GABRB3: variants seen among roughly 807,000 people sequenced by gnomAD.
The protein encoded by GABRB3 is gamma-aminobutyric acid receptor subunit beta-3.
A neutral mutation model predicts 52.1 loss-of-function variants in GABRB3; 14 were observed. That is an observed-to-expected ratio of 0.27 (90% CI 0.18 to 0.42). The LOEUF is 0.42. Among genes scored for constraint, GABRB3 ranks in the 10% least tolerant of loss-of-function variants. The pLI is 1.00. For synonymous variants in GABRB3, 260 were observed against 232.3 expected (o/e 1.12, Z -1.08); for missense variants, 307 against 609.1 (o/e 0.50, Z 5.22).
chr15:26,633,396 T>A (rs1330446432), intron 3 of GABRB3, among the ~76,000 whole-genome samples: 2 of 152,188 alleles, frequency 1.3e-5, no homozygotes, highest in Non-Finnish European at 2.9e-5. Context: ...CTCTTCCCTG[T>A]ACCTTTAGAA....
chr15:26,581,595 T>C (rs1009769222), intron 5 of GABRB3, among the ~76,000 whole-genome samples: 7 of 152,292 alleles, frequency 4.6e-5, no homozygotes, highest in African/African-American at 1.7e-4. Flanking sequence ...TCCTTTCTCA[T>C]TCACCCAGCC....
intron 4 of GABRB3, among the ~76,000 whole-genome samples, chr15:26,588,270 T>C (rs1444416781): frequency 6.6e-6 from 1 of 152,212 alleles, no homozygotes; most frequent in African/African-American, 2.4e-5. Context: ...TAATTCATCA[T>C]CTCAGTGCCC....
intron 3 of GABRB3, chr15:26,772,101 A>G (rs1891162372): frequency 1.2e-5 from 4 of 333,416 alleles, no homozygotes; most frequent in Non-Finnish European, 2.1e-5. Flanking sequence ...ACCAGGCGAC[A>G]GAGCGCTGGA....
chr15:26,691,408 C>T (rs934793597), intron 3 of GABRB3, among the ~76,000 whole-genome samples: 6 of 152,102 alleles, frequency 3.9e-5, no homozygotes, highest in Non-Finnish European at 7.4e-5. Flanking sequence ...GGGTGAATCC[C>T]AAAAAGGCCA....
chr15:26,685,199 T>C (rs892371811), intron 3 of GABRB3, among the ~76,000 whole-genome samples: 1 of 152,192 alleles, frequency 6.6e-6, no homozygotes, highest in Admixed American at 6.5e-5. Flanking sequence ...ACTGCCCTAC[T>C]TCTCCGCCAG....
chr15:26,736,500 T>G (rs1338316221), intron 3 of GABRB3, among the ~76,000 whole-genome samples: 2 of 152,226 alleles, frequency 1.3e-5, no homozygotes, highest in African/African-American at 2.4e-5. Flanking sequence ...TGAAATTGTT[T>G]GCTAAATGTT....
Position 26,732,571 on chromosome 15 carries a change from A to AT in GABRB3, c.240+39830dup, listed in dbSNP as rs141533099. On this transcript the variant is annotated intron_variant, in intron 3 of 8. Coordinates refer to ENST00000311550, the MANE Select transcript of GABRB3 (RefSeq NM_000814.6). ...AGTGAGACCCCTTTCTCCCAAAAAAATTTTTTTTTTTTTTTGAGATGGAGT... is the reference window on the plus strand; with the variant it reads ...AGTGAGACCCCTTTCTCCCAAAAAAATTTTTTTTTTTTTTTTGAGATGGAGT... Among the ~76,000 whole-genome samples, 152 of 147,884 alleles carry AT rather than the reference A, an allele frequency of 1.0e-3. 1 individual carries two copies. The highest frequency in any genetic ancestry group is 3.3e-3 in the African/African-American group (131 of 39,940).
chr15:26,606,762 G>A (rs1298067138), intron 4 of GABRB3, among the ~76,000 whole-genome samples: 16 of 45,316 alleles, frequency 3.5e-4, no homozygotes, highest in South Asian at 2.2e-3. Context: ...ATACATATCT[G>A]TCTATCTATA....
At chr15:26,663,061 G>A (rs192673115) in intron 3 of GABRB3, among the ~76,000 whole-genome samples, 104 of 144,288 alleles carry the variant, frequency 7.2e-4, no homozygotes, top group African/African-American at 2.8e-3. Flanking sequence ...AGATGTAAAC[G>A]TGTGTGTGTG....
At chr15:26,672,445 T>G (rs1478691223) in intron 3 of GABRB3, among the ~76,000 whole-genome samples, 1 of 151,892 alleles carries the variant, frequency 6.6e-6, no homozygotes, top group Non-Finnish European at 1.5e-5. Flanking sequence ...GTAAATGGAG[T>G]TTCTCCCTCT....
intron 3 of GABRB3, among the ~76,000 whole-genome samples, chr15:26,750,718 T>A (rs2140171270): frequency 6.6e-6 from 1 of 152,284 alleles, no homozygotes; most frequent in South Asian, 2.1e-4. Context: ...TAGAATTTCA[T>A]AAAATGCTCA....
At chr15:26,669,255 C>T (rs551852603) in intron 3 of GABRB3, among the ~76,000 whole-genome samples, 2 of 152,288 alleles carry the variant, frequency 1.3e-5, no homozygotes, top group East Asian at 3.9e-4. Context: ...TCAGTGATGT[C>T]CTTCCTACTT....
intron 7 of GABRB3, among the ~76,000 whole-genome samples, chr15:26,565,370 C>A (rs1369034882): frequency 2.6e-5 from 4 of 152,038 alleles, no homozygotes; most frequent in African/African-American, 9.7e-5. Context: ...CTGGCCAGAC[C>A]CACAGCCCTA....
At chr15:26,772,251 G>A (rs1595363453) in intron 3 of GABRB3, 151 bp downstream of exon 3, 5 of 634,838 alleles carry the variant, frequency 7.9e-6, no homozygotes, top group Non-Finnish European at 1.0e-5. Flanking sequence ...CCGGGCAAGC[G>A]AGGGGCCGGC....
At chr15:26,773,637 C>G, upstream of GABRB3, 1 of 1,557,054 alleles carries the variant, frequency 6.4e-7, no homozygotes, top group Non-Finnish European at 8.7e-7. Flanking sequence ...GGGAAGCCCC[C>G]GCCTCACCTG....
chr15:26,586,037 C>T (rs1043835734), intron 4 of GABRB3, among the ~76,000 whole-genome samples: 5 of 152,096 alleles, frequency 3.3e-5, no homozygotes, highest in Admixed American at 2.6e-4. Context: ...CTTGCTCTGT[C>T]GCCCAGGCTT....
chr15:26,675,466 T>C (rs952312199), intron 3 of GABRB3, among the ~76,000 whole-genome samples: 5 of 152,192 alleles, frequency 3.3e-5, no homozygotes, highest in Admixed American at 2.6e-4. Flanking sequence ...TGAGTGTGTG[T>C]GCGTGTTGGG....
At chr15:26,568,670 T>G (rs1890275693) in intron 6 of GABRB3, among the ~76,000 whole-genome samples, 1 of 119,272 alleles carries the variant, frequency 8.4e-6, no homozygotes, top group South Asian at 3.4e-4. Flanking sequence ...GCTAGGTTTT[T>G]TTTTTTTTTT....
intron 3 of GABRB3, among the ~76,000 whole-genome samples, chr15:26,732,554 C>T (rs1889957084): frequency 6.9e-6 from 1 of 145,406 alleles, no homozygotes; most frequent in African/African-American, 2.7e-5. Context: ...ATAGTGAGAC[C>T]CCTTTCTCCC....
Sources: allele counts gnomAD v4.1 joint callset (sites outside exome capture counted in the v4.1 genomes callset), GRCh38; gene constraint gnomAD v4.1.1; transcripts MANE v1.5; gene names NCBI Gene and HGNC (gene_info 2026-07-23, HGNC 2026-07-21).